PCYT1A: variants seen among roughly 807,000 people sequenced by gnomAD.
The protein encoded by PCYT1A is choline-phosphate cytidylyltransferase A.
Under a neutral mutation model 43.7 loss-of-function variants are expected in PCYT1A, and 25 were observed. That is an observed-to-expected ratio of 0.57 (90% CI 0.42 to 0.80). The LOEUF (loss-of-function observed/expected upper bound fraction) is 0.80, where lower values mean the gene tolerates loss of function less well. PCYT1A is among the 30% of genes least tolerant of loss of function. The probability of loss-of-function intolerance (pLI) is 0.00; values close to 1 mark genes in which losing one functional copy is unlikely to be tolerated. For missense variants in PCYT1A, 421 were observed against 474.2 expected, an observed-to-expected ratio of 0.89 and a Z score of 1.04; for synonymous variants, 172 against 170.7, an observed-to-expected ratio of 1.01 and a Z score of -0.06.
In PCYT1A at chr3:196,242,568, C is replaced by G; in HGVS notation, c.559G>C (p.Glu187Gln). The change falls in exon 6 of 9, where the codon GAG (glutamate) becomes CAG (glutamine). Residue 187 changes from glutamate (E) to glutamine (Q), a missense_variant. Physicochemically the swap from Glu to Gln is conservative, Grantham distance 29. Around this residue, in one of 3 missense-constraint regions of PCYT1A, gnomAD observed 174 missense variants for 270.7 expected, o/e 0.64. Transcript: ENST00000431016. This position sits in a 1 kb window ranked among gnomAD's most constrained non-coding sequence, Gnocchi z 4.2. ...GSDDVYKHIK[E>Q]AGMFAPTQRT... ...GGAAGCACAGCTCACTCACCTGCCT[C>G]CTTGATGTGCTTATAAACATCATCA... is the stretch of plus-strand genomic sequence containing the variant. 1 of 1,605,756 alleles carries G rather than the reference C, an allele frequency of 6.2e-7. No homozygotes were observed.
chr3:196,256,963 C>A (rs964163261), intron 3 of PCYT1A, among the ~76,000 whole-genome samples: 1 of 152,174 alleles, frequency 6.6e-6, no homozygotes, highest in Non-Finnish European at 1.5e-5. Context: ...GGCTATAAAT[C>A]CCTCTTATTC....
rs190231934 is a variant in PCYT1A, at chr3:196,282,738, A to G, written c.-11+4877T>C. On this transcript the variant is annotated intron_variant, in intron 1 of 8. Transcript: ENST00000431016. This position sits in a 1 kb window ranked among gnomAD's most constrained non-coding sequence, Gnocchi z 4.3. ...CAAAGGAGTCCATAACACAAAAAAG[A>G]TTAAGATTCCTGTTCTACGGTCAAA... Among the ~76,000 whole-genome samples the G allele has an allele frequency of 1.6e-4, 24 of 152,340 alleles. No individual in the cohort carries two copies. In the East Asian group the frequency reaches 2.3e-3, roughly 15 times the overall value.
intron 1 of PCYT1A, among the ~76,000 whole-genome samples, chr3:196,281,433 T>C (rs1725769134): frequency 6.6e-6 from 1 of 152,228 alleles, no homozygotes. Context: ...GTCAGCAAAC[T>C]ACAGCTAGCT....
chr3:196,278,664 TC>T (rs1453664576), intron 1 of PCYT1A, among the ~76,000 whole-genome samples: 1 of 152,110 alleles, frequency 6.6e-6, no homozygotes, highest in African/African-American at 2.4e-5. Context: ...TGGTTCATCC[TC>T]CAGAACACTT....
In PCYT1A at chr3:196,236,214, G is replaced by A. The variant is rs1355264741; in HGVS notation, c.*2474C>T. Reference sequence around the variant, plus strand: ...TTAGGAGGTATGGCTCCAATAGGGAGGGAGGAGGAAAACCACGTTCCGGGC... The same window carrying A: ...TTAGGAGGTATGGCTCCAATAGGGAAGGAGGAGGAAAACCACGTTCCGGGC... On this transcript the variant is annotated 3_prime_UTR_variant, in exon 9 of 9. Transcript: ENST00000431016. 6.6e-6 allele frequency: 1 copy of A among 152,218 alleles called. No homozygotes were observed. The highest frequency in any genetic ancestry group is 1.5e-5 in the Non-Finnish European group (1 of 68,074). 9.4% of individuals were successfully genotyped at this position (152,218 alleles called of 1,614,324 possible).
At chr3:196,266,334 T>A (rs58945504) in intron 2 of PCYT1A, among the ~76,000 whole-genome samples, 7 of 150,916 alleles carry the variant, frequency 4.6e-5, no homozygotes, top group East Asian at 2.0e-4. Flanking sequence ...TTAGCCAGGC[T>A]TGGTGGCGGG....
rs778531532 is a variant in PCYT1A at position 196,242,604 on chromosome 3, A to T, written c.523T>A (p.Ser175Thr). The T allele has an allele frequency of 1.2e-6, 2 of 1,612,190 alleles. No homozygotes were observed. The highest frequency in any genetic ancestry group is 1.7e-6 in the Non-Finnish European group (2 of 1,178,202). Residue 175 changes from serine (S) to threonine (T), a missense_variant, in exon 6 of 9, where the codon TCT becomes ACT. By Grantham distance (58) the Ser-to-Thr change is moderately conservative (BLOSUM62 1). Around this residue, in one of 3 missense-constraint regions of PCYT1A, gnomAD observed 174 missense variants for 270.7 expected, o/e 0.64. Transcript: ENST00000431016. The surrounding 1 kb of genome is among the most constrained non-coding windows in gnomAD (Gnocchi z 4.2). Reference protein sequence around the residue: ...FVAHDDIPYSSAGSDDVYKHI... With the variant: ...FVAHDDIPYSTAGSDDVYKHI... ...TTATAAACATCATCACTGCCAGCAG[A>T]TGAATAAGGAATATCATCATGGGCT... is the stretch of plus-strand genomic sequence containing the variant.
At chr3:196,245,269 G>A (rs141406040) in intron 5 of PCYT1A, among the ~76,000 whole-genome samples, 113 of 151,966 alleles carry the variant, frequency 7.4e-4, no homozygotes, top group African/African-American at 2.6e-3. Flanking sequence ...AGCCTCCCGA[G>A]TAGCTGGGAC....
At chr3:196,259,060 G>A (rs1022186896) in intron 2 of PCYT1A, among the ~76,000 whole-genome samples, 1 of 151,934 alleles carries the variant, frequency 6.6e-6, no homozygotes, top group Non-Finnish European at 1.5e-5. Flanking sequence ...CTCTGTCACC[G>A]AGGCTAGAGT....
In PCYT1A at chr3:196,282,417, C is replaced by T. The variant is rs1482487313; in HGVS notation, c.-11+5198G>A. 6.6e-6 allele frequency among the ~76,000 whole-genome samples: 1 copy of T among 152,138 alleles called. No individual in the cohort carries two copies. Among genetic ancestry groups the T allele is most frequent in the Non-Finnish European group, 1.5e-5 (1 of 68,036 alleles). On this transcript the variant is annotated intron_variant, in intron 1 of 8. Coordinates refer to ENST00000431016, the MANE Select transcript of PCYT1A (RefSeq NM_001312673.2). This position sits in a 1 kb window ranked among gnomAD's most constrained non-coding sequence, Gnocchi z 4.3. Reference sequence around the variant, plus strand: ...GGTTATGGAACTCATATCTCTGAGGCAGGGTCTATGATAGAATTCAGGAAG... The same window carrying T: ...GGTTATGGAACTCATATCTCTGAGGTAGGGTCTATGATAGAATTCAGGAAG...
rs1176929108 is a variant in PCYT1A, at chr3:196,273,540, G to A, written c.-10-2999C>T. ...GGGTAGCTCCTTTCCGCAGCAGGTC[G>A]TCCCAGCATCTGTGCAGCCCTCAGC... is the stretch of plus-strand genomic sequence containing the variant. On this transcript the variant is annotated intron_variant, in intron 1 of 8. Transcript: ENST00000431016. This position sits in a 1 kb window ranked among gnomAD's most constrained non-coding sequence, Gnocchi z 4.1. Among the ~76,000 whole-genome samples the A allele has an allele frequency of 6.6e-6, 1 of 152,108 alleles. No individual in the cohort carries two copies. The highest frequency in any genetic ancestry group is 6.5e-5 in the Admixed American group (1 of 15,272).
Position 196,238,911 on chromosome 3 carries a change from G to A in PCYT1A, c.898-17C>T. Reference sequence around the variant, plus strand: ...CATATGTTTCTGCAGAAACCGAAAGGAAGAGTCAGAAAAACACCGTGGATC... The same window carrying A: ...CATATGTTTCTGCAGAAACCGAAAGAAAGAGTCAGAAAAACACCGTGGATC... On this transcript the variant is annotated splice_polypyrimidine_tract_variant and intron_variant, in intron 8 of 8. Coordinates refer to ENST00000431016, the MANE Select transcript of PCYT1A (RefSeq NM_001312673.2). 7.2e-7 allele frequency: 1 copy of A among 1,384,786 alleles called. No individual in the cohort carries two copies. The highest frequency in any genetic ancestry group is 9.4e-7 in the Non-Finnish European group (1 of 1,062,640). The allele number at this position is 1,384,786 out of a possible 1,614,324, so 85.8% of individuals were successfully genotyped here. A position where few individuals can be genotyped will look rare whatever the true frequency, so the allele number is the denominator to read the frequency against.
rs1724157209 is a variant in PCYT1A at position 196,236,188 on chromosome 3, T to C, written c.*2500A>G. 1 of 152,060 alleles carries C rather than the reference T, an allele frequency of 6.6e-6. No individual in the cohort carries two copies. The highest frequency in any genetic ancestry group is 2.4e-5 in the African/African-American group (1 of 41,376). The allele number at this position is 152,060 out of a possible 1,614,324, so 9.4% of individuals were successfully genotyped here. A position where few individuals can be genotyped will look rare whatever the true frequency, so the allele number is the denominator to read the frequency against. On this transcript the variant is annotated 3_prime_UTR_variant, in exon 9 of 9. Transcript: ENST00000431016. ...AAACATTTGGGACCCAGACAATATA[T>C]TTAGGAGGTATGGCTCCAATAGGGA...
At chr3:196,283,420 G>A (rs1363109644) in intron 1 of PCYT1A, 2 of 152,080 alleles carry the variant, frequency 1.3e-5, no homozygotes, top group African/African-American at 4.8e-5. Context: ...GTTTACGAAT[G>A]GTAAAATACA....
rs568610550 is a variant in PCYT1A, at chr3:196,279,991, C to A, written c.-11+7624G>T. Among the ~76,000 whole-genome samples, 9 of 151,988 alleles carry A rather than the reference C, an allele frequency of 5.9e-5. No homozygotes were observed. In the East Asian group the frequency reaches 1.5e-3, roughly 26 times the overall value. ...CTGGGATTACAGGCATGCACCACCA[C>A]GCCTGGCTAATTTTGTATTTTTAGT... On this transcript the variant is annotated intron_variant, in intron 1 of 8. Transcript: ENST00000431016.
intron 1 of PCYT1A, among the ~76,000 whole-genome samples, chr3:196,274,308 A>C (rs1031068456): frequency 2.0e-5 from 3 of 151,782 alleles, no homozygotes; most frequent in Non-Finnish European, 2.9e-5. Context: ...GCTTCCACCT[A>C]CTCCCAGCTC....
intron 8 of PCYT1A, 109 bp from the exon 9 acceptor site, chr3:196,239,003 C>A: frequency 1.8e-6 from 1 of 564,740 alleles, no homozygotes; most frequent in South Asian, 5.3e-5. Context: ...TTTAAGGGTT[C>A]TCCCCTGCTG....
chr3:196,276,342 G>A lies in PCYT1A; in HGVS notation c.-10-5801C>T, dbSNP rs186056281. Among the ~76,000 whole-genome samples the A allele has an allele frequency of 3.9e-3, 598 of 151,788 alleles. 2 individuals carry two copies. The highest frequency in any genetic ancestry group is 7.2e-3 in the Admixed American group (109 of 15,236). On this transcript the variant is annotated intron_variant, in intron 1 of 8. Transcript: ENST00000431016. ...TTAAAGGCCAGGCACAATGGCTCAC[G>A]CCTGCAATCCCAGCACTTTGGGAGG... is the stretch of plus-strand genomic sequence containing the variant.
chr3:196,238,974 G>C, intron 8 of PCYT1A, 80 bp from the exon 9 acceptor site: 3 of 828,150 alleles, frequency 3.6e-6, no homozygotes, highest in Non-Finnish European at 3.5e-6. Context: ...GACTGGGATA[G>C]TCTATGCTGT....
Sources: allele counts gnomAD v4.1 joint callset (sites outside exome capture counted in the v4.1 genomes callset), GRCh38; gene constraint gnomAD v4.1.1; regional missense constraint gnomAD v4.1.1; non-coding constraint Gnocchi (gnomAD v3.1); transcripts MANE v1.5; gene names NCBI Gene and HGNC (gene_info 2026-07-23, HGNC 2026-07-21).